Variants in DHX57 observed in about 807,000 individuals in gnomAD.
DHX57 encodes putative ATP-dependent RNA helicase DHX57.
In DHX57, 105 loss-of-function variants were observed where a neutral mutation model predicts 156.2. That is an observed-to-expected ratio of 0.67 (90% confidence interval 0.57 to 0.79). The LOEUF is 0.79. DHX57 is among the 30% of genes least tolerant of loss of function. DHX57 has a pLI of 0.00. For missense variants in DHX57, 1,847 were observed against 1,661.9 expected (o/e 1.11, Z -1.94); for synonymous variants, 704 against 595.6 (o/e 1.18, Z -2.65).
At chr2:38,802,968 GAAC>G in intron 22 of DHX57, 53 bp from the exon 23 acceptor site, 1 of 1,599,662 alleles carries the variant, frequency 6.3e-7, no homozygotes, top group Non-Finnish European at 8.6e-7. Flanking sequence ...AACAAAAAGG[GAAC>G]AACCCCCCAG....
rs551908893 is a variant in DHX57, at chr2:38,870,130, C to G, written c.-6-1719G>C. On this transcript the variant is annotated intron_variant, in intron 1 of 23. Coordinates refer to ENST00000457308, the MANE Select transcript of DHX57 (RefSeq NM_198963.3). ...ACTAGCAAGAGAAAGAACTGATGAA[C>G]TTGAAGACAGACTGACATTGATTAT... 3.9e-5 allele frequency among the ~76,000 whole-genome samples: 6 copies of G among 152,158 alleles called. No homozygotes were observed. In the South Asian group the frequency reaches 1.0e-3, roughly 26 times the overall value.
intron 13 of DHX57, among the ~76,000 whole-genome samples, chr2:38,831,983 C>G (rs992104694): frequency 1.3e-5 from 2 of 152,112 alleles, no homozygotes; most frequent in African/African-American, 4.8e-5. Flanking sequence ...GATCCCACCA[C>G]TGCACTCCAG....
At position 38,868,428 on chromosome 2, in the gene DHX57, T is replaced by C. The variant is rs1333039818; in HGVS notation, c.-6-17A>G. ...CATTTTCACCTGCAAGAGAAAAAAA[T>C]TAATGTAGACATCATAAAACCAGAC... is the stretch of plus-strand genomic sequence containing the variant. On this transcript the variant is annotated splice_polypyrimidine_tract_variant and intron_variant, in intron 1 of 23. Transcript: ENST00000457308. 1 of 1,608,122 alleles carries C rather than the reference T, an allele frequency of 6.2e-7. No homozygotes were observed. The highest frequency in any genetic ancestry group is 1.1e-5 in the South Asian group (1 of 91,020).
intron 16 of DHX57, among the ~76,000 whole-genome samples, chr2:38,824,517 A>G (rs1670993112): frequency 6.6e-6 from 1 of 151,978 alleles, no homozygotes; most frequent in African/African-American, 2.4e-5. Context: ...AAGTATTCTT[A>G]CCATAATAAA....
At position 38,797,857 on chromosome 2, in the gene DHX57, T is replaced by G. The variant is rs1669460907; in HGVS notation, c.*442A>C. ...CATAATTTTGGGTTTTTTTTCCCCT[T>G]CTCTGTTCTGACTTCTCTCAGTCGA... On this transcript the variant is annotated 3_prime_UTR_variant, in exon 24 of 24. Transcript: ENST00000457308. 1 of 165,726 alleles carries G rather than the reference T, an allele frequency of 6.0e-6. No homozygotes were observed. Among genetic ancestry groups the G allele is most frequent in the Non-Finnish European group, 1.5e-5 (1 of 68,568 alleles). 10.3% of individuals were successfully genotyped at this position (165,726 alleles called of 1,614,324 possible).
At position 38,843,396 on chromosome 2, in the gene DHX57, T is replaced by C. The variant is rs189870606; in HGVS notation, c.2220-186A>G. ...GGTTGGGAACACACTGCAATGCTTTTAGGTCTGTCTCGGAGACCAGCTAAG... is the reference window on the plus strand; with the variant it reads ...GGTTGGGAACACACTGCAATGCTTTCAGGTCTGTCTCGGAGACCAGCTAAG... On this transcript the variant is annotated intron_variant, in intron 11 of 23. Coordinates refer to ENST00000457308, the MANE Select transcript of DHX57 (RefSeq NM_198963.3). Among the ~76,000 whole-genome samples the C allele has an allele frequency of 1.7e-3, 265 of 152,338 alleles. 1 individual carries two copies. Among genetic ancestry groups the C allele is most frequent in the Non-Finnish European group, 3.3e-3 (223 of 68,032 alleles).
chr2:38,826,601 T>G lies in DHX57; in HGVS notation c.2728A>C (p.Ile910Leu). 1 of 1,614,178 alleles carries G rather than the reference T, an allele frequency of 6.2e-7. No homozygotes were observed. Among genetic ancestry groups the G allele is most frequent in the Non-Finnish European group, 8.5e-7 (1 of 1,180,020 alleles). ...GTCTCAGCAATGTTGGTGGAAATTA[T>G]AATCTTAGTTACTCCTGCAGGAGGT... ...VKPPAGVTKI[I>L]ISTNIAETSI... Residue 910 changes from isoleucine (I) to leucine (L), a missense_variant, in exon 15 of 24, where the codon ATA becomes CTA. Ile to Leu is a conservative substitution (Grantham distance 5). Transcript: ENST00000457308.
chr2:38,810,842 A>G, intron 21 of DHX57: 1 of 741,032 alleles, frequency 1.3e-6, no homozygotes, highest in East Asian at 2.7e-5. Context: ...CAGATACCTC[A>G]GGACTTCATT....
intron 16 of DHX57, among the ~76,000 whole-genome samples, chr2:38,825,364 A>G (rs556052686): frequency 1.3e-5 from 2 of 152,240 alleles, no homozygotes; most frequent in Non-Finnish European, 2.9e-5. Flanking sequence ...GTGCAGTGGC[A>G]CGATCTCAGC....
At position 38,806,580 on chromosome 2, in the gene DHX57, G is replaced by T; in HGVS notation, c.3795C>A (p.His1265Gln). The change falls in exon 22 of 24, where the codon CAC (histidine) becomes CAA (glutamine). Residue 1265 changes from histidine to glutamine, a missense_variant. By Grantham distance (24) the His-to-Gln change is conservative. Coordinates refer to ENST00000457308, the MANE Select transcript of DHX57 (RefSeq NM_198963.3). ...VTKNDGYVHI[H>Q]PSSVNYQVRH... is the part of the protein sequence containing the mutation. Reference sequence around the variant, plus strand: ...TGACCTGATAGTTCACTGATGAAGGGTGAATGTGTACATATCCATCGTTCT... The same window carrying T: ...TGACCTGATAGTTCACTGATGAAGGTTGAATGTGTACATATCCATCGTTCT... The T allele has an allele frequency of 6.2e-7, 1 of 1,614,088 alleles. No individual in the cohort carries two copies. The highest frequency in any genetic ancestry group is 1.7e-5 in the Admixed American group (1 of 59,976).
chr2:38,866,427 T>C (rs1251673627), intron 2 of DHX57, among the ~76,000 whole-genome samples: 1 of 152,188 alleles, frequency 6.6e-6, no homozygotes, highest in African/African-American at 2.4e-5. Context: ...TTTACTTACT[T>C]CTTGCCTCTC....
At chr2:38,868,065 A>G in intron 2 of DHX57, 117 bp downstream of exon 2, 2 of 1,307,278 alleles carry the variant, frequency 1.5e-6, no homozygotes, top group East Asian at 2.3e-5. Flanking sequence ...GGTTACAAAG[A>G]GGAAGACAAT....
In DHX57 at chr2:38,806,600, C is replaced by T. The variant is rs373998813; in HGVS notation, c.3775G>A (p.Asp1259Asn). The change falls in exon 22 of 24, where the codon GAT (aspartate) becomes AAT (asparagine). Residue 1259 changes from aspartate to asparagine, a missense_variant. By Grantham distance (23) the Asp-to-Asn change is conservative. Transcript: ENST00000457308. ...SAELKFVTKN[D>N]GYVHIHPSSV... The stretch of plus-strand genomic sequence containing the variant: ...GAAGGGTGAATGTGTACATATCCAT[C>T]GTTCTTGGTGACAAACTTCAACTCA... The T allele has an allele frequency of 6.8e-6, 11 of 1,613,998 alleles. No homozygotes were observed. The highest frequency in any genetic ancestry group is 6.6e-5 in the South Asian group (6 of 91,086).
chr2:38,866,944 C>T (rs1665107674), intron 2 of DHX57, among the ~76,000 whole-genome samples: 1 of 152,220 alleles, frequency 6.6e-6, no homozygotes, highest in African/African-American at 2.4e-5. Context: ...CCTAGGCCTT[C>T]ACATTCACTC....
intron 9 of DHX57, among the ~76,000 whole-genome samples, chr2:38,852,086 G>C (rs1178857093): frequency 6.6e-6 from 1 of 151,578 alleles, no homozygotes; most frequent in Non-Finnish European, 1.5e-5. Flanking sequence ...TTATCTAAAA[G>C]TCTTTCTTTA....
chr2:38,814,174 G>A (rs1177953874), intron 20 of DHX57, among the ~76,000 whole-genome samples: 3 of 152,154 alleles, frequency 2.0e-5, no homozygotes, highest in African/African-American at 7.2e-5. Context: ...TGGACCTCAA[G>A]CAATCTGCCC....
At chr2:38,838,044 G>GT (rs1671775465) in intron 12 of DHX57, 97 bp from the exon 13 acceptor site, 1 of 781,040 alleles carries the variant, frequency 1.3e-6, no homozygotes, top group African/African-American at 1.7e-5. Context: ...TGTGAATTAG[G>GT]TGAGTGTTGG....
intron 17 of DHX57, among the ~76,000 whole-genome samples, chr2:38,821,781 G>C (rs1423350509): frequency 6.6e-6 from 1 of 152,044 alleles, no homozygotes; most frequent in Admixed American, 6.6e-5. Flanking sequence ...GAAAAAGAGA[G>C]GGAAAGCTCA....
chr2:38,855,243 T>C lies in DHX57; in HGVS notation c.1719A>G (p.Lys573=), dbSNP rs1672836598. The C allele has an allele frequency of 6.2e-7, 1 of 1,614,184 alleles. No individual in the cohort carries two copies. ...VVISGMTGCG[K]TTQIPQFILD... Reference sequence around the variant, plus strand: ...GAATAAACTGCGGAATTTGTGTGGTTTTCCCACATCTGTACATTAAAACAA... The same window carrying C: ...GAATAAACTGCGGAATTTGTGTGGTCTTCCCACATCTGTACATTAAAACAA... The change falls in exon 8 of 24, where the codon AAA becomes AAG. Residue 573 remains lysine, a synonymous_variant. Coordinates refer to ENST00000457308, the MANE Select transcript of DHX57 (RefSeq NM_198963.3).
Sources: allele counts gnomAD v4.1 joint callset (sites outside exome capture counted in the v4.1 genomes callset), GRCh38; gene constraint gnomAD v4.1.1; transcripts MANE v1.5; gene names NCBI Gene and HGNC (gene_info 2026-07-23, HGNC 2026-07-21).